SPOCK1: variants seen among roughly 807,000 people sequenced by gnomAD.
SPOCK1 encodes the protein SPARC (osteonectin), cwcv and kazal like domains proteoglycan 1.
Under a neutral mutation model 55.3 loss-of-function variants are expected in SPOCK1, and 23 were observed. The ratio of observed to expected loss-of-function variants is 0.42; its 90% CI spans 0.30 to 0.59. The LOEUF is 0.59. Among genes scored for constraint, SPOCK1 ranks in the 20% least tolerant of loss-of-function variants. The pLI is 0.22. For synonymous variants in SPOCK1, 226 were observed against 221.0 expected (o/e 1.02, Z -0.20); for missense variants, 499 against 552.5 (o/e 0.90, Z 0.97).
chr5:137,374,133 TACAA>T (rs1404848540), intron 2 of SPOCK1, among the ~76,000 whole-genome samples: 19 of 152,366 alleles, frequency 1.2e-4, no homozygotes, highest in African/African-American at 4.1e-4. Flanking sequence ...CTATTGTTAT[TACAA>T]ACAGTTATAA....
chr5:137,305,397 T>C (rs1320639016), intron 2 of SPOCK1, among the ~76,000 whole-genome samples: 1 of 152,194 alleles, frequency 6.6e-6, no homozygotes, highest in Non-Finnish European at 1.5e-5. Flanking sequence ...TTATCCTAAC[T>C]TGATTACATC....
intron 2 of SPOCK1, among the ~76,000 whole-genome samples, chr5:137,392,620 C>T (rs1013533224): frequency 3.3e-5 from 5 of 152,254 alleles, no homozygotes; most frequent in African/African-American, 1.2e-4. Context: ...ATTGCTATGC[C>T]TCTGTTTTCT....
intron 3 of SPOCK1, among the ~76,000 whole-genome samples, chr5:137,217,853 T>TAAG (rs1237193310): frequency 1.3e-5 from 2 of 152,158 alleles, no homozygotes; most frequent in African/African-American, 4.8e-5. Context: ...TCGTGGTTAA[T>TAAG]AAGTGACAAG....
intron 3 of SPOCK1, among the ~76,000 whole-genome samples, chr5:137,145,775 C>T (rs966902171): frequency 6.6e-6 from 1 of 152,170 alleles, no homozygotes; most frequent in Non-Finnish European, 1.5e-5. Flanking sequence ...CCTGGACAGA[C>T]TGACATCTAT....
chr5:137,017,923 A>G (rs2126978359), intron 6 of SPOCK1, among the ~76,000 whole-genome samples: 1 of 152,356 alleles, frequency 6.6e-6, no homozygotes, highest in Non-Finnish European at 1.5e-5. Context: ...ATTACATCCA[A>G]GCAAATCAAG....
rs574848626 is a variant in SPOCK1 at position 137,367,291 on chromosome 5, G to A, written c.187-100236C>T. ...AGAAGAGCCCTGGTCTGGACTCTCCGTAAGCCTTTACCATCCCTGAACAGT... is the reference window on the plus strand; with the variant it reads ...AGAAGAGCCCTGGTCTGGACTCTCCATAAGCCTTTACCATCCCTGAACAGT... On this transcript the variant is annotated intron_variant, in intron 2 of 10. Coordinates refer to ENST00000394945, the MANE Select transcript of SPOCK1 (RefSeq NM_004598.4). 2.6e-5 allele frequency among the ~76,000 whole-genome samples: 4 copies of A among 152,252 alleles called. No individual in the cohort carries two copies. In the East Asian group the frequency reaches 7.7e-4, roughly 29 times the overall value.
intron 3 of SPOCK1, among the ~76,000 whole-genome samples, chr5:137,170,716 C>T (rs1023093870): frequency 2.6e-5 from 4 of 152,002 alleles, no homozygotes; most frequent in African/African-American, 9.7e-5. Flanking sequence ...AATTATGCTG[C>T]CTCCCTGATC....
At chr5:137,474,470 G>A (rs1753798280) in intron 2 of SPOCK1, among the ~76,000 whole-genome samples, 1 of 152,136 alleles carries the variant, frequency 6.6e-6, no homozygotes, top group African/African-American at 2.4e-5. Flanking sequence ...TAGCATTCCT[G>A]CCTCTGTGCA....
intron 2 of SPOCK1, among the ~76,000 whole-genome samples, chr5:137,405,592 C>A (rs1580907955): frequency 6.6e-6 from 1 of 152,160 alleles, no homozygotes; most frequent in East Asian, 1.9e-4. Flanking sequence ...GAGGGCTCTT[C>A]CTGTTTCTCC....
At chr5:137,301,506 C>T (rs945212450) in intron 2 of SPOCK1, among the ~76,000 whole-genome samples, 11 of 152,134 alleles carry the variant, frequency 7.2e-5, no homozygotes, top group Non-Finnish European at 1.3e-4. Context: ...CCAACAGTTC[C>T]CCTTGGCCTA....
At chr5:137,108,121 A>G (rs1294040267) in intron 5 of SPOCK1, among the ~76,000 whole-genome samples, 1 of 152,160 alleles carries the variant, frequency 6.6e-6, no homozygotes, top group Admixed American at 6.5e-5. Context: ...ACTCTTACTA[A>G]TTGAGCATCT....
chr5:137,274,073 GAAAGAACTGAGTCTGAGGTTTATTCCCC>G (rs1757018246), intron 2 of SPOCK1, among the ~76,000 whole-genome samples: 2 of 152,142 alleles, frequency 1.3e-5, no homozygotes, highest in Admixed American at 1.3e-4. Context: ...TTTCCCAAGG[GAAAGAACTGAGTCTGAGGTTTATTCCCC>G]AAAATATGCC....
intron 5 of SPOCK1, 90 bp downstream of exon 5, chr5:137,112,345 G>T (rs777964523): frequency 4.6e-6 from 7 of 1,516,712 alleles, no homozygotes; most frequent in East Asian, 2.3e-5. Context: ...AGCCCACCAC[G>T]CTTCCCAAGC....
chr5:137,158,757 G>A (rs1203468720), intron 3 of SPOCK1, among the ~76,000 whole-genome samples: 2 of 152,098 alleles, frequency 1.3e-5, no homozygotes, highest in African/African-American at 2.4e-5. Context: ...CATAACAAGG[G>A]AGGGACCATG....
At chr5:137,369,808 G>C (rs1751158576) in intron 2 of SPOCK1, among the ~76,000 whole-genome samples, 1 of 152,126 alleles carries the variant, frequency 6.6e-6, no homozygotes, top group Non-Finnish European at 1.5e-5. Flanking sequence ...CAAGGTCTCT[G>C]ATGTCTCTGC....
rs1419548186 is a variant in SPOCK1, at chr5:136,976,928, G to A, written c.*1726C>T. 2 of 152,254 alleles carry A rather than the reference G, an allele frequency of 1.3e-5. No individual in the cohort carries two copies. Among genetic ancestry groups the A allele is most frequent in the African/African-American group, 4.8e-5 (2 of 41,450 alleles). The allele number at this position is 152,254 out of a possible 1,614,324, so 9.4% of individuals were successfully genotyped here. ...ACATCTAAATGGTCAATTTGGGATG[G>A]GGGATTGGTCAGCTGCCACTATAAT... is the stretch of plus-strand genomic sequence containing the variant. On this transcript the variant is annotated 3_prime_UTR_variant, in exon 11 of 11. Coordinates refer to ENST00000394945, the MANE Select transcript of SPOCK1 (RefSeq NM_004598.4).
intron 3 of SPOCK1, among the ~76,000 whole-genome samples, chr5:137,196,651 T>G (rs1204701139): frequency 6.6e-6 from 1 of 152,238 alleles, no homozygotes; most frequent in African/African-American, 2.4e-5. Flanking sequence ...CCTCCAACTA[T>G]ATCAGATCTT....
In SPOCK1 at chr5:137,462,272, C is replaced by T. The variant is rs900583187; in HGVS notation, c.186+36101G>A. Among the ~76,000 whole-genome samples, 4 of 152,172 alleles carry T rather than the reference C, an allele frequency of 2.6e-5. No homozygotes were observed. The East Asian group carries it at 7.7e-4, about 29-fold the overall frequency. ...CACATTTCTCCTTGACAGCCAGGAT[C>T]CAGAAAGACCCCAAAGGCAGGAACC... On this transcript the variant is annotated intron_variant, in intron 2 of 10. Coordinates refer to ENST00000394945, the MANE Select transcript of SPOCK1 (RefSeq NM_004598.4).
At chr5:137,004,988 G>T (rs1003202049) in intron 6 of SPOCK1, among the ~76,000 whole-genome samples, 1 of 152,204 alleles carries the variant, frequency 6.6e-6, no homozygotes, top group Non-Finnish European at 1.5e-5. Flanking sequence ...TGGCCTAGAG[G>T]CAGCAGATCT....
Sources: gnomAD v4.1 joint callset for allele counts (sites outside exome capture counted in the v4.1 genomes callset) on GRCh38, gnomAD v4.1.1 for gene constraint, MANE v1.5 for transcripts, NCBI Gene and HGNC (gene_info 2026-07-23, HGNC 2026-07-21) for gene names.